AKT3: variants seen among roughly 807,000 people sequenced by gnomAD.
AKT3 encodes the protein AKT serine/threonine kinase 3, also known as RAC-gamma serine/threonine-protein kinase.
Under a neutral mutation model 65.3 loss-of-function variants are expected in AKT3, and 15 were observed. The ratio of observed to expected loss-of-function variants is 0.23; its 90% CI spans 0.15 to 0.35. The LOEUF (loss-of-function observed/expected upper bound fraction) is 0.35. Among genes scored for constraint, AKT3 ranks in the 10% least tolerant of loss-of-function variants. The probability of loss-of-function intolerance (pLI) is 1.00; values close to 1 mark genes in which losing one functional copy is unlikely to be tolerated. For missense variants in AKT3, 243 were observed against 576.5 expected, an observed-to-expected ratio of 0.42 and a Z score of 5.92; for synonymous variants, 206 against 183.8, an observed-to-expected ratio of 1.12 and a Z score of -0.98.
rs147609546 is a variant in AKT3, at chr1:243,568,824, T to C, written c.819+4102A>G. Among the ~76,000 whole-genome samples the C allele has an allele frequency of 3.0e-3, 460 of 152,264 alleles. 5 individuals carry two copies. Among genetic ancestry groups the C allele is most frequent in the African/African-American group, 0.01 (425 of 41,556 alleles). ...TGGCCTGGAAGCTTCTCTGAACACT[T>C]TGCAGGCCGAGGCATGGTTGTAACC... is the stretch of plus-strand genomic sequence containing the variant. On this transcript the variant is annotated intron_variant, in intron 9 of 13. Coordinates refer to ENST00000673466, the MANE Select transcript of AKT3 (RefSeq NM_005465.7).
intron 2 of AKT3, among the ~76,000 whole-genome samples, chr1:243,800,764 G>A (rs990354747): frequency 1.5e-4 from 23 of 151,404 alleles, no homozygotes; most frequent in African/African-American, 5.1e-4. Context: ...ACACTGGAGC[G>A]ACAAGAGTAA....
chr1:243,788,634 T>C (rs902099495), intron 2 of AKT3: 5 of 152,230 alleles, frequency 3.3e-5, no homozygotes, highest in African/African-American at 1.2e-4. Flanking sequence ...CCAGTTCATA[T>C]GACAGTTATG....
intron 8 of AKT3, among the ~76,000 whole-genome samples, chr1:243,581,165 C>T (rs1245562334): frequency 6.6e-6 from 1 of 152,330 alleles, no homozygotes; most frequent in East Asian, 1.9e-4. Context: ...CATTCTCCCT[C>T]GGCACTAGTG....
intron 12 of AKT3, among the ~76,000 whole-genome samples, chr1:243,519,825 G>GT (rs962116699): frequency 2.0e-5 from 3 of 152,006 alleles, no homozygotes; most frequent in African/African-American, 7.3e-5. Context: ...ACTTAATAAT[G>GT]TAAAAAAAAG....
At chr1:243,795,475 G>GTTTTTTTTTTTTTTTTTTTTTTTTT (rs369512939) in intron 2 of AKT3, among the ~76,000 whole-genome samples, 1 of 88,016 alleles carries the variant, frequency 1.1e-5, no homozygotes, top group Non-Finnish European at 1.9e-5. Flanking sequence ...TTTTTTTTTT[G>GTTTTTTTTTTTTTTTTTTTTTTTTT]GTTTTTTTTT....
At chr1:243,668,814 C>T (rs924454552) in intron 3 of AKT3, among the ~76,000 whole-genome samples, 2 of 152,060 alleles carry the variant, frequency 1.3e-5, no homozygotes, top group African/African-American at 2.4e-5. Flanking sequence ...GATTATGATA[C>T]TCAACTAAGA....
intron 3 of AKT3, among the ~76,000 whole-genome samples, chr1:243,677,619 C>A (rs893741367): frequency 6.6e-6 from 1 of 151,768 alleles, no homozygotes; most frequent in Non-Finnish European, 1.5e-5. Context: ...AGCTCTAATA[C>A]TTGAGATATT....
upstream of AKT3, among the ~76,000 whole-genome samples, chr1:243,850,602 G>T (rs1167004029): frequency 6.6e-6 from 1 of 150,690 alleles, no homozygotes; most frequent in Non-Finnish European, 1.5e-5. Flanking sequence ...TCTCGCCGTC[G>T]CCGCGGGGCT....
chr1:243,584,026 G>C (rs148620488), intron 8 of AKT3, among the ~76,000 whole-genome samples: 3 of 152,136 alleles, frequency 2.0e-5, no homozygotes, highest in Non-Finnish European at 4.4e-5. Flanking sequence ...AAATGATGAA[G>C]CCAAAAGTTG....
chr1:243,568,440 A>AG (rs1491181116), intron 9 of AKT3, among the ~76,000 whole-genome samples: 1 of 142,824 alleles, frequency 7.0e-6, no homozygotes, highest in East Asian at 2.1e-4. Flanking sequence ...GAGGAGAGAG[A>AG]AAAAAAAAAA....
At chr1:243,757,531 T>C (rs963672654) in intron 2 of AKT3, among the ~76,000 whole-genome samples, 3 of 152,042 alleles carry the variant, frequency 2.0e-5, no homozygotes. Context: ...GACAGGAGAA[T>C]CGCTTGAACC....
chr1:243,771,346 G>T (rs1270848344), intron 2 of AKT3, among the ~76,000 whole-genome samples: 1 of 152,098 alleles, frequency 6.6e-6, no homozygotes, highest in Admixed American at 6.6e-5. Context: ...CACAGACCAT[G>T]TGTTTTCCAT....
chr1:243,793,966 G>A (rs1691788878), intron 2 of AKT3, among the ~76,000 whole-genome samples: 2 of 152,122 alleles, frequency 1.3e-5, no homozygotes, highest in Admixed American at 1.3e-4. Context: ...GCAGAAAAAT[G>A]GTAGAAGTAG....
rs193122419 is a variant in AKT3, at chr1:243,673,978, A to G, written c.173-9095T>C. ...ACTGGGATTTGATAACAAAATTTTT[A>G]AACAATTCAACAAGAATGTACATTA... On this transcript the variant is annotated intron_variant, in intron 3 of 13. Coordinates refer to ENST00000673466, the MANE Select transcript of AKT3 (RefSeq NM_005465.7). 1.1e-3 allele frequency among the ~76,000 whole-genome samples: 162 copies of G among 152,318 alleles called. 1 individual carries two copies. Among genetic ancestry groups the G allele is most frequent in the African/African-American group, 3.8e-3 (159 of 41,584 alleles).
intron 6 of AKT3, among the ~76,000 whole-genome samples, chr1:243,632,850 A>G (rs558339673): frequency 6.6e-6 from 1 of 152,252 alleles, no homozygotes; most frequent in African/African-American, 2.4e-5. Flanking sequence ...CTAGCTTCCA[A>G]CTGTTCTTCT....
At chr1:243,783,479 C>G (rs777550951) in intron 2 of AKT3, among the ~76,000 whole-genome samples, 1 of 151,862 alleles carries the variant, frequency 6.6e-6, no homozygotes, top group Non-Finnish European at 1.5e-5. Context: ...TTCATCTGGA[C>G]TAGGTATAAC....
intron 2 of AKT3, among the ~76,000 whole-genome samples, chr1:243,831,457 C>T (rs1011606307): frequency 1.3e-5 from 2 of 151,948 alleles, no homozygotes; most frequent in Non-Finnish European, 2.9e-5. Flanking sequence ...CTTAAAAAGA[C>T]AGAGGGGAAA....
chr1:243,817,713 T>A (rs959078467), intron 2 of AKT3, among the ~76,000 whole-genome samples: 1 of 152,194 alleles, frequency 6.6e-6, no homozygotes, highest in African/African-American at 2.4e-5. Context: ...GCACTCCAGA[T>A]GGGTGATAGA....
At chr1:243,845,876 G>A (rs1695498807) in intron 1 of AKT3, among the ~76,000 whole-genome samples, 1 of 152,078 alleles carries the variant, frequency 6.6e-6, no homozygotes, top group Non-Finnish European at 1.5e-5. Flanking sequence ...GAAAGACCAA[G>A]AAACTTGAGT....
Sources: allele counts gnomAD v4.1 joint callset (sites outside exome capture counted in the v4.1 genomes callset), GRCh38; gene constraint gnomAD v4.1.1; transcripts MANE v1.5; gene names NCBI Gene and HGNC (gene_info 2026-07-23, HGNC 2026-07-21).